Variants in KCNQ1 observed in about 807,000 individuals in gnomAD.
KCNQ1 encodes the protein potassium voltage-gated channel subfamily KQT member 1.
Under a neutral mutation model 72.4 loss-of-function variants are expected in KCNQ1, and 49 were observed. The ratio of observed to expected loss-of-function variants is 0.68; its 90% CI spans 0.54 to 0.86. The LOEUF (loss-of-function observed/expected upper bound fraction) is 0.86, where lower values mean the gene tolerates loss of function less well. Ranked by LOEUF, KCNQ1 falls within the 40% of genes least tolerant of loss-of-function variation. KCNQ1 has a pLI of 0.00. For synonymous variants in KCNQ1, 450 were observed against 412.6 expected, an observed-to-expected ratio of 1.09 and a Z score of -1.10; for missense variants, 790 against 945.1, an observed-to-expected ratio of 0.84 and a Z score of 2.15.
chr11:2,534,470 C>T (rs778195703), intron 2 of KCNQ1, among the ~76,000 whole-genome samples: 1 of 152,218 alleles, frequency 6.6e-6, no homozygotes, highest in Admixed American at 6.5e-5. Context: ...GGTCTGACTC[C>T]CTCTGCAGCT....
chr11:2,476,126 T>C (rs972282366), intron 1 of KCNQ1, among the ~76,000 whole-genome samples: 15 of 152,246 alleles, frequency 9.9e-5, no homozygotes, highest in Admixed American at 3.9e-4. Flanking sequence ...AATTAATAGA[T>C]ATATCAAACT....
intron 11 of KCNQ1, among the ~76,000 whole-genome samples, chr11:2,736,892 C>T (rs376164980): frequency 3.3e-5 from 5 of 152,246 alleles, no homozygotes; most frequent in East Asian, 3.9e-4. Context: ...TGGGGAGTGG[C>T]GCAGAGCCTG....
intron 1 of KCNQ1, among the ~76,000 whole-genome samples, chr11:2,449,214 A>G (rs1288548748): frequency 6.6e-6 from 1 of 152,072 alleles, no homozygotes; most frequent in Non-Finnish European, 1.5e-5. Flanking sequence ...CCTCGGTTGG[A>G]GGGAACATTC....
At chr11:2,553,895 T>G (rs1848030651) in intron 2 of KCNQ1, among the ~76,000 whole-genome samples, 2 of 152,100 alleles carry the variant, frequency 1.3e-5, no homozygotes, top group Admixed American at 1.3e-4. Flanking sequence ...TTTGTATTTT[T>G]AGGTAGAGAT....
At position 2,550,117 on chromosome 11, in the gene KCNQ1, G is replaced by A. The variant is rs1847960414; in HGVS notation, c.478-20511G>A. Among the ~76,000 whole-genome samples, 1 of 152,230 alleles carries A rather than the reference G, an allele frequency of 6.6e-6. No individual in the cohort carries two copies. Among genetic ancestry groups the A allele is most frequent in the African/African-American group, 2.4e-5 (1 of 41,460 alleles). ...GCGGAGCTCAGATGAGAGATGCTCA[G>A]AGTTGTCTGTAGAGAACCAGAGCTG... On this transcript the variant is annotated intron_variant, in intron 2 of 15. Transcript: ENST00000155840. The surrounding 1 kb of genome is among the most constrained non-coding windows in gnomAD (Gnocchi z 6.0).
chr11:2,691,314 C>T lies in KCNQ1; in HGVS notation c.1514+29233C>T, dbSNP rs1318593416. 3 of 398,502 alleles carry T rather than the reference C, an allele frequency of 7.5e-6. No homozygotes were observed. Among genetic ancestry groups the T allele is most frequent in the African/African-American group, 6.2e-5 (3 of 48,620 alleles). 24.7% of individuals were successfully genotyped at this position (398,502 alleles called of 1,614,324 possible). ...GACAAGAAAAAGGCGATGTCTCACC[C>T]CTGAGCTACAATCCACTGCACTTAC... is the stretch of plus-strand genomic sequence containing the variant. On this transcript the variant is annotated intron_variant, in intron 11 of 15. Transcript: ENST00000155840. The surrounding 1 kb of genome is among the most constrained non-coding windows in gnomAD (Gnocchi z 6.4).
At chr11:2,650,106 CATTTA>C in intron 10 of KCNQ1, 1 of 398,282 alleles carries the variant, frequency 2.5e-6, no homozygotes, top group Non-Finnish European at 4.4e-6. Flanking sequence ...TTATTTCATT[CATTTA>C]ATTTATCACC....
At chr11:2,692,699 A>G (rs1376810470) in intron 11 of KCNQ1, 5 of 398,434 alleles carry the variant, frequency 1.3e-5, no homozygotes, top group Non-Finnish European at 1.8e-5. Flanking sequence ...CCCTTTGTCC[A>G]CTAACCCTGG....
At position 2,493,610 on chromosome 11, in the gene KCNQ1, C is replaced by G. The variant is rs1484975680; in HGVS notation, c.387-34318C>G. 6.6e-6 allele frequency among the ~76,000 whole-genome samples: 1 copy of G among 152,138 alleles called. No individual in the cohort carries two copies. The highest frequency in any genetic ancestry group is 2.4e-5 in the African/African-American group (1 of 41,428). ...AGCACCATTTATTAAATAGAGAATC[C>G]TTTCCGCATTGCTTTTTTGTCAGGT... On this transcript the variant is annotated intron_variant, in intron 1 of 15. Coordinates refer to ENST00000155840, the MANE Select transcript of KCNQ1 (RefSeq NM_000218.3). This position sits in a 1 kb window ranked among gnomAD's most constrained non-coding sequence, Gnocchi z 5.3.
chr11:2,582,508 T>C (rs942177456), intron 6 of KCNQ1, among the ~76,000 whole-genome samples: 1 of 152,172 alleles, frequency 6.6e-6, no homozygotes, highest in African/African-American at 2.4e-5. Flanking sequence ...GCGGTGGCCG[T>C]CACTTGACCT....
At chr11:2,722,763 T>C (rs1845690712) in intron 11 of KCNQ1, among the ~76,000 whole-genome samples, 1 of 152,084 alleles carries the variant, frequency 6.6e-6, no homozygotes. Context: ...TGCCCCTAGA[T>C]AGCTGTGCCC....
intron 10 of KCNQ1, chr11:2,643,833 C>T: frequency 5.0e-6 from 2 of 398,482 alleles, no homozygotes; most frequent in Non-Finnish European, 4.4e-6. Context: ...TTTATTTCTC[C>T]TTCATTTCTG....
rs1847765065 is a variant in KCNQ1, at chr11:2,538,082, A to C, written c.477+10064A>C. Among the ~76,000 whole-genome samples the C allele has an allele frequency of 6.6e-6, 1 of 152,132 alleles. No homozygotes were observed. Among genetic ancestry groups the C allele is most frequent in the Non-Finnish European group, 1.5e-5 (1 of 68,024 alleles). On this transcript the variant is annotated intron_variant, in intron 2 of 15. Coordinates refer to ENST00000155840, the MANE Select transcript of KCNQ1 (RefSeq NM_000218.3). The surrounding 1 kb of genome is among the most constrained non-coding windows in gnomAD (Gnocchi z 6.7). Reference sequence around the variant, plus strand: ...GGCAGTATGACCGTTTCTCCGTATAAAGCCCGTGTATATCCTCTGGAATGA... The same window carrying C: ...GGCAGTATGACCGTTTCTCCGTATACAGCCCGTGTATATCCTCTGGAATGA...
chr11:2,612,103 T>C lies in KCNQ1; in HGVS notation c.1393+23249T>C, dbSNP rs79877169. On this transcript the variant is annotated intron_variant, in intron 10 of 15. Coordinates refer to ENST00000155840, the MANE Select transcript of KCNQ1 (RefSeq NM_000218.3). This position sits in a 1 kb window ranked among gnomAD's most constrained non-coding sequence, Gnocchi z 5.5. ...TTACACATCCTGTTAGGACAGGGGTTCCCAACCCCAGGGCCATGGACTGGT... is the reference window on the plus strand; with the variant it reads ...TTACACATCCTGTTAGGACAGGGGTCCCCAACCCCAGGGCCATGGACTGGT... The C allele has an allele frequency of 0.018, 7,189 of 398,622 alleles. 289 individuals carry two copies. The highest frequency in any genetic ancestry group is 0.11 in the East Asian group (3,094 of 28,070). 24.7% of individuals were successfully genotyped at this position (398,622 alleles called of 1,614,324 possible). A position where few individuals can be genotyped will look rare whatever the true frequency, so the allele number is the denominator to read the frequency against.
rs141807099 is a variant in KCNQ1 at position 2,706,641 on chromosome 11, G to A, written c.1514+44560G>A. 4.8e-3 allele frequency among the ~76,000 whole-genome samples: 734 copies of A among 152,390 alleles called. 7 individuals are homozygous for A. Among genetic ancestry groups the A allele is most frequent in the South Asian group, 0.022 (104 of 4,826 alleles). On this transcript the variant is annotated intron_variant, in intron 11 of 15. Coordinates refer to ENST00000155840, the MANE Select transcript of KCNQ1 (RefSeq NM_000218.3). ...CAGGCTTAGTCTGACCCTTGTCAGG[G>A]GCAGCAAAGTGGGCTCAGCCTACCT...
At chr11:2,797,174 G>A (rs79192249) in intron 15 of KCNQ1, among the ~76,000 whole-genome samples, 58 of 152,214 alleles carry the variant, frequency 3.8e-4, no homozygotes, top group East Asian at 2.9e-3. Context: ...GGGGTGGCGG[G>A]GGGGAGGCCC....
At position 2,804,868 on chromosome 11, in the gene KCNQ1, C is replaced by T. The variant is rs1847341144; in HGVS notation, c.1794+26831C>T. Reference sequence around the variant, plus strand: ...GTATGAGGAGACTGAGGCACGGGCCCACAGTTGCCAGCTGGGATTTGTCCC... The same window carrying T: ...GTATGAGGAGACTGAGGCACGGGCCTACAGTTGCCAGCTGGGATTTGTCCC... On this transcript the variant is annotated intron_variant, in intron 15 of 15. Transcript: ENST00000155840. 2.0e-5 allele frequency among the ~76,000 whole-genome samples: 3 copies of T among 152,204 alleles called. No homozygotes were observed. In the South Asian group the frequency reaches 6.2e-4, roughly 32 times the overall value.
chr11:2,640,485 A>T (rs1849556021), intron 10 of KCNQ1: 1 of 397,660 alleles, frequency 2.5e-6, no homozygotes, highest in Non-Finnish European at 4.4e-6. Flanking sequence ...AGGGTCGTGC[A>T]TTGTTGCCCA....
chr11:2,449,163 C>T (rs1846085744), intron 1 of KCNQ1, among the ~76,000 whole-genome samples: 1 of 152,254 alleles, frequency 6.6e-6, no homozygotes, highest in African/African-American at 2.4e-5. Flanking sequence ...GTCTCATTCT[C>T]TGTGGCAGGC....
Sources: allele counts gnomAD v4.1 joint callset (sites outside exome capture counted in the v4.1 genomes callset), GRCh38; gene constraint gnomAD v4.1.1; non-coding constraint Gnocchi (gnomAD v3.1); transcripts MANE v1.5; gene names NCBI Gene and HGNC (gene_info 2026-07-23, HGNC 2026-07-21).